ELL: variants seen among roughly 807,000 people sequenced by gnomAD.
ELL encodes the protein elongation factor for RNA polymerase II.
A neutral mutation model predicts 64.0 loss-of-function variants in ELL; 18 were observed. The ratio of observed to expected loss-of-function variants is 0.28; its 90% CI spans 0.19 to 0.42. The LOEUF (loss-of-function observed/expected upper bound fraction) is 0.42. Among genes scored for constraint, ELL ranks in the 10% least tolerant of loss-of-function variants. ELL has a pLI of 1.00. For missense variants in ELL, 797 were observed against 870.4 expected (o/e 0.92, Z 1.06); for synonymous variants, 399 against 376.2 (o/e 1.06, Z -0.70).
At position 18,465,780 on chromosome 19, in the gene ELL, G is replaced by A; in HGVS notation, c.305+17C>T. 14 of 1,424,842 alleles carry A rather than the reference G, an allele frequency of 9.8e-6. No individual in the cohort carries two copies. The highest frequency in any genetic ancestry group is 1.3e-5 in the Non-Finnish European group (14 of 1,082,712). 88.3% of individuals were successfully genotyped at this position (1,424,842 alleles called of 1,614,324 possible). On this transcript the variant is annotated intron_variant, in intron 3 of 11. Coordinates refer to ENST00000262809, the MANE Select transcript of ELL (RefSeq NM_006532.4). ...TCAAGAGCCGGCGGGGTGCTCTGGG[G>A]TGGGGCGGCGCCTCACCTGGAGACA...
intron 1 of ELL, among the ~76,000 whole-genome samples, chr19:18,492,627 G>A (rs924537081): frequency 1.3e-5 from 2 of 152,142 alleles, no homozygotes; most frequent in South Asian, 2.1e-4. Context: ...TCTTTTGAGC[G>A]ACTGATAACT....
chr19:18,517,489 G>A (rs1276991565), intron 1 of ELL, among the ~76,000 whole-genome samples: 1 of 151,980 alleles, frequency 6.6e-6, no homozygotes, highest in Non-Finnish European at 1.5e-5. Flanking sequence ...GACCTCAAGG[G>A]ATCCTCCCAC....
At chr19:18,469,164 G>A (rs1218371232) in intron 2 of ELL, among the ~76,000 whole-genome samples, 1 of 152,082 alleles carries the variant, frequency 6.6e-6, no homozygotes. Flanking sequence ...CTGGCGAAAA[G>A]GGGAAGACAC....
At chr19:18,484,148 C>G (rs1182632516) in intron 1 of ELL, among the ~76,000 whole-genome samples, 6 of 152,310 alleles carry the variant, frequency 3.9e-5, no homozygotes, top group Admixed American at 2.6e-4. Flanking sequence ...TCTGCAAGTG[C>G]CAGTGTGATG....
chr19:18,517,046 G>A (rs1281542699), intron 1 of ELL, among the ~76,000 whole-genome samples: 1 of 152,070 alleles, frequency 6.6e-6, no homozygotes, highest in African/African-American at 2.4e-5. Context: ...CAGCAACAGA[G>A]CCCATGCAAA....
intron 11 of ELL, 23 bp downstream of exon 11, chr19:18,445,201 A>G (rs773915298): frequency 1.2e-6 from 2 of 1,613,828 alleles, no homozygotes; most frequent in South Asian, 2.2e-5. Context: ...CTTGGAGCCC[A>G]CCCCAACACA....
At position 18,482,432 on chromosome 19, in the gene ELL, C is replaced by T. The variant is rs1468806563; in HGVS notation, c.136-9550G>A. On this transcript the variant is annotated intron_variant, in intron 1 of 11. Transcript: ENST00000262809. ...TCCTGGGTTGAAGCAATTCTCCTGC[C>T]TCTGCCTCTGCCTCTGCCTCTGCCT... Among the ~76,000 whole-genome samples the T allele has an allele frequency of 7.4e-5, 11 of 147,970 alleles. No homozygotes were observed. In the Admixed American group the frequency reaches 7.6e-4, roughly 10 times the overall value.
In ELL at chr19:18,446,497, G is replaced by A. The variant is rs201926586; in HGVS notation, c.1533-17C>T. On this transcript the variant is annotated splice_polypyrimidine_tract_variant and intron_variant, in intron 9 of 11. Transcript: ENST00000262809. The stretch of plus-strand genomic sequence containing the variant: ...GCGTACTTCCTGAAACAGGAGAGAG[G>A]GGCCACTGAGTGGAGGCTGGAAGGA... 1 of 1,607,670 alleles carries A rather than the reference G, an allele frequency of 6.2e-7. No individual in the cohort carries two copies. Among genetic ancestry groups the A allele is most frequent in the African/African-American group, 1.3e-5 (1 of 75,008 alleles).
At chr19:18,445,011 T>C in intron 11 of ELL, 143 bp from the exon 12 acceptor site, 1 of 1,091,992 alleles carries the variant, frequency 9.2e-7, no homozygotes, top group Non-Finnish European at 1.3e-6. Flanking sequence ...AGAGTGGGAG[T>C]TGGTCCCCCG....
intron 1 of ELL, among the ~76,000 whole-genome samples, chr19:18,513,817 G>GC (rs1457949343): frequency 6.6e-6 from 1 of 152,038 alleles, no homozygotes; most frequent in Non-Finnish European, 1.5e-5. Context: ...TGTAGTCCCA[G>GC]CTACGCAAGA....
chr19:18,469,470 G>A (rs1975016633), intron 2 of ELL, among the ~76,000 whole-genome samples: 2 of 152,254 alleles, frequency 1.3e-5, no homozygotes, highest in South Asian at 4.1e-4. Flanking sequence ...CGCAGCCCCT[G>A]CTCAGCCTTC....
intron 1 of ELL, among the ~76,000 whole-genome samples, chr19:18,483,512 G>T (rs896697613): frequency 6.6e-6 from 1 of 152,132 alleles, no homozygotes; most frequent in Non-Finnish European, 1.5e-5. Context: ...TACCACAGAC[G>T]GCCAGCCTCC....
At chr19:18,516,664 C>A (rs2144982512) in intron 1 of ELL, among the ~76,000 whole-genome samples, 1 of 152,220 alleles carries the variant, frequency 6.6e-6, no homozygotes, top group South Asian at 2.1e-4. Flanking sequence ...AGGGACCAGC[C>A]CCCCAGGAGC....
At chr19:18,447,606 G>A (rs911396986) in intron 8 of ELL, among the ~76,000 whole-genome samples, 11 of 152,222 alleles carry the variant, frequency 7.2e-5, no homozygotes, top group Admixed American at 5.2e-4. Flanking sequence ...GGGGTGCCCC[G>A]GCCACATAAG....
At chr19:18,454,880 G>A (rs1187132794) in intron 6 of ELL, among the ~76,000 whole-genome samples, 3 of 143,320 alleles carry the variant, frequency 2.1e-5, no homozygotes, top group Non-Finnish European at 4.6e-5. Flanking sequence ...TGGGCACGGT[G>A]GCTCACACCT....
intron 1 of ELL, among the ~76,000 whole-genome samples, chr19:18,512,659 C>T (rs570243772): frequency 6.6e-6 from 1 of 152,256 alleles, no homozygotes; most frequent in East Asian, 1.9e-4. Context: ...ATAGGAGAAG[C>T]TATTTTAAAT....
chr19:18,480,729 G>C (rs1364520077), intron 1 of ELL, among the ~76,000 whole-genome samples: 2 of 152,110 alleles, frequency 1.3e-5, no homozygotes, highest in African/African-American at 2.4e-5. Flanking sequence ...CGACCTTCTA[G>C]GCTCAGGTGA....
At position 18,450,739 on chromosome 19, in the gene ELL, G is replaced by A; in HGVS notation, c.1203C>T (p.Ser401=). ...CTCGGCCGCTGTGGCCCAGGTCATTGCTGACATCGGCCAGGGGGTCGTGGG... is the reference window on the plus strand; with the variant it reads ...CTCGGCCGCTGTGGCCCAGGTCATTACTGACATCGGCCAGGGGGTCGTGGG... ...PRAHDPLADV[S]NDLGHSGRDC... Residue 401 remains serine, a synonymous_variant, in exon 8 of 12, where the codon AGC becomes AGT. Transcript: ENST00000262809. The A allele has an allele frequency of 6.3e-7, 1 of 1,583,706 alleles. No homozygotes were observed. The highest frequency in any genetic ancestry group is 1.7e-4 in the Middle Eastern group (1 of 6,010).
chr19:18,487,888 G>A (rs1206027055), intron 1 of ELL, among the ~76,000 whole-genome samples: 1 of 152,226 alleles, frequency 6.6e-6, no homozygotes, highest in Non-Finnish European at 1.5e-5. Flanking sequence ...GCTGTGCTCA[G>A]AACCTGGCTG....
Sources: gnomAD v4.1 joint callset for allele counts (sites outside exome capture counted in the v4.1 genomes callset) on GRCh38, gnomAD v4.1.1 for gene constraint, MANE v1.5 for transcripts, NCBI Gene and HGNC (gene_info 2026-07-23, HGNC 2026-07-21) for gene names.